Variants in EMC8 observed in about 807,000 individuals in gnomAD.
EMC8 encodes the protein COX4 neighbor.
A neutral mutation model predicts 24.3 loss-of-function variants in EMC8; 11 were observed. The ratio of observed to expected loss-of-function variants is 0.45; its 90% CI spans 0.28 to 0.75. The LOEUF (loss-of-function observed/expected upper bound fraction) is 0.75, where lower values mean the gene tolerates loss of function less well. EMC8 is among the 30% of genes least tolerant of loss of function. EMC8 has a pLI of 0.12. For synonymous variants in EMC8, 145 were observed against 117.7 expected, an observed-to-expected ratio of 1.23 and a Z score of -1.50; for missense variants, 277 against 282.7, an observed-to-expected ratio of 0.98 and a Z score of 0.14.
chr16:85,793,270 A>G (rs1405947393), intron 1 of EMC8, among the ~76,000 whole-genome samples: 1 of 152,220 alleles, frequency 6.6e-6, no homozygotes, highest in African/African-American at 2.4e-5. Flanking sequence ...AGGGACCACA[A>G]CTTGCCACTT....
At chr16:85,782,674 C>G (rs909403979) in intron 2 of EMC8, among the ~76,000 whole-genome samples, 1 of 152,190 alleles carries the variant, frequency 6.6e-6, no homozygotes, top group Admixed American at 6.5e-5. Context: ...TCTGTGCAAT[C>G]TGCCATCTAA....
intron 1 of EMC8, among the ~76,000 whole-genome samples, chr16:85,794,575 G>A (rs146812306): frequency 0.013 from 2,041 of 152,272 alleles, 34 homozygotes; most frequent in African/African-American, 0.047. Flanking sequence ...GGTAGTACCA[G>A]CTACTTGGGA....
chr16:85,799,264 T>C lies in EMC8; in HGVS notation c.32A>G (p.Tyr11Cys). 1 of 1,611,242 alleles carries C rather than the reference T, an allele frequency of 6.2e-7. No homozygotes were observed. Among genetic ancestry groups the C allele is most frequent in the Non-Finnish European group, 8.5e-7 (1 of 1,179,582 alleles). Residue 11 changes from tyrosine to cysteine, a missense_variant, in exon 1 of 5, where the codon TAC (tyrosine) becomes TGC (cysteine). Physicochemically the swap from Tyr to Cys is radical, Grantham distance 194 (BLOSUM62 -2). Transcript: ENST00000253457. This position sits in a 1 kb window ranked among gnomAD's most constrained non-coding sequence, Gnocchi z 4.2. MPGVKLTTQA[Y>C]CKMVLHGAKY... ...GGCGCCGTGCAGCACCATCTTGCAG[T>C]AGGCCTGGGTGGTCAGTTTCACCCC...
At chr16:85,794,304 G>A (rs959976834) in intron 1 of EMC8, among the ~76,000 whole-genome samples, 1 of 152,160 alleles carries the variant, frequency 6.6e-6, no homozygotes, top group Admixed American at 6.5e-5. Flanking sequence ...ATTTTCCCCT[G>A]TAACTTTCCT....
intron 1 of EMC8, among the ~76,000 whole-genome samples, chr16:85,795,495 G>A (rs1282877839): frequency 6.6e-6 from 1 of 152,100 alleles, no homozygotes; most frequent in African/African-American, 2.4e-5. Context: ...ACCTTCTCCT[G>A]CCCTCCTTCC....
Position 85,778,862 on chromosome 16 carries a change from C to T in EMC8, c.*846G>A, listed in dbSNP as rs892063126. 2 of 152,192 alleles carry T rather than the reference C, an allele frequency of 1.3e-5. No homozygotes were observed. Among genetic ancestry groups the T allele is most frequent in the African/African-American group, 4.8e-5 (2 of 41,440 alleles). The allele number at this position is 152,192 out of a possible 1,614,324, so 9.4% of individuals were successfully genotyped here. A position where few individuals can be genotyped will look rare whatever the true frequency, so the allele number is the denominator to read the frequency against. On this transcript the variant is annotated 3_prime_UTR_variant, in exon 5 of 5. Coordinates refer to ENST00000253457, the MANE Select transcript of EMC8 (RefSeq NM_006067.5). ...GTACCATAAAGTTTCCCTCTCAATT[C>T]CCTAAGGTTTGGTTACAAAACTTGA...
intron 2 of EMC8, chr16:85,784,442 T>C (rs752267165): frequency 6.6e-6 from 1 of 152,244 alleles, no homozygotes; most frequent in Non-Finnish European, 1.5e-5. Flanking sequence ...TTTTATATGA[T>C]TATTGTATTT....
intron 2 of EMC8, among the ~76,000 whole-genome samples, chr16:85,783,999 CTTTT>C (rs920465069): frequency 6.6e-6 from 1 of 151,542 alleles, no homozygotes; most frequent in Non-Finnish European, 1.5e-5. Context: ...ATCCATCTTT[CTTTT>C]TTTTTCTTTT....
chr16:85,787,377 C>T (rs1477576346), intron 2 of EMC8, among the ~76,000 whole-genome samples: 1 of 152,228 alleles, frequency 6.6e-6, no homozygotes, highest in Non-Finnish European at 1.5e-5. Context: ...CACCAAGCCC[C>T]CTGCAGGGGC....
At chr16:85,780,018 G>C (rs973492728) in intron 4 of EMC8, 151 bp from the exon 5 acceptor site, 2 of 652,150 alleles carry the variant, frequency 3.1e-6, no homozygotes, top group Non-Finnish European at 5.3e-6. Flanking sequence ...CGCATGAAGA[G>C]GTATACAGAG....
chr16:85,796,586 C>G lies in EMC8; in HGVS notation c.231+2479G>C, dbSNP rs570895937. Among the ~76,000 whole-genome samples the G allele has an allele frequency of 1.2e-4, 18 of 152,322 alleles. No homozygotes were observed. In the East Asian group the frequency reaches 2.9e-3, roughly 24 times the overall value. On this transcript the variant is annotated intron_variant, in intron 1 of 4. Transcript: ENST00000253457. ...CTCTGCATGATCTACAAGGTCACTA[C>G]AAAGCAATCTGTCCACCACTCAACT... is the stretch of plus-strand genomic sequence containing the variant.
intron 1 of EMC8, among the ~76,000 whole-genome samples, chr16:85,796,861 T>A (rs781055911): frequency 6.6e-6 from 1 of 152,228 alleles, no homozygotes; most frequent in Non-Finnish European, 1.5e-5. Flanking sequence ...CCCTTGCCAC[T>A]TTTTTACTAA....
chr16:85,781,102 C>G (rs1180897937), intron 3 of EMC8, 109 bp downstream of exon 3: 3 of 749,416 alleles, frequency 4.0e-6, no homozygotes, highest in Non-Finnish European at 7.0e-6. Flanking sequence ...TGGTCTCAAG[C>G]AGATAAATGA....
intron 1 of EMC8, among the ~76,000 whole-genome samples, chr16:85,796,181 T>G (rs1289754267): frequency 6.6e-6 from 1 of 152,070 alleles, no homozygotes; most frequent in African/African-American, 2.4e-5. Flanking sequence ...CATCTCAAAC[T>G]TAACATACCC....
chr16:85,799,212 C>G lies in EMC8; in HGVS notation c.84G>C (p.Gly28=), dbSNP rs1439056093. 6.2e-7 allele frequency: 1 copy of G among 1,613,344 alleles called. No homozygotes were observed. Among genetic ancestry groups the G allele is most frequent in the East Asian group, 2.2e-5 (1 of 44,876 alleles). Residue 28 remains glycine (G), a synonymous_variant, in exon 1 of 5, where the codon GGG becomes GGC. Transcript: ENST00000253457. This position sits in a 1 kb window ranked among gnomAD's most constrained non-coding sequence, Gnocchi z 4.2. The part of the protein sequence containing the change: ...GAKYPHCAVN[G]LLVAEKQKPR... ...GCTTCTGCTTCTCGGCCACCAGGAG[C>G]CCGTTGACGGCGCAGTGCGGGTACT...
chr16:85,781,988 A>T (rs1056381809), intron 2 of EMC8: 3 of 152,426 alleles, frequency 2.0e-5, no homozygotes, highest in African/African-American at 7.2e-5. Flanking sequence ...AATGGGGCGC[A>T]CCGTGTAAAG....
chr16:85,798,114 G>GTT (rs1163747067), intron 1 of EMC8, among the ~76,000 whole-genome samples: 1,105 of 72,232 alleles, frequency 0.015, 1 homozygote, highest in East Asian at 0.058. Context: ...ACAGAAATTC[G>GTT]TTTTTTTTTT....
At chr16:85,791,408 C>A (rs1211267684) in intron 1 of EMC8, among the ~76,000 whole-genome samples, 1 of 152,138 alleles carries the variant, frequency 6.6e-6, no homozygotes, top group African/African-American at 2.4e-5. Flanking sequence ...CCTACCAACC[C>A]GTCACCTAGG....
intron 3 of EMC8, 151 bp downstream of exon 3, chr16:85,781,060 T>C (rs996809413): frequency 4.8e-6 from 3 of 623,234 alleles, no homozygotes; most frequent in Non-Finnish European, 8.7e-6. Flanking sequence ...TCAACTGGTC[T>C]GCAGCTGAGA....
Sources: allele counts gnomAD v4.1 joint callset (sites outside exome capture counted in the v4.1 genomes callset), GRCh38; gene constraint gnomAD v4.1.1; non-coding constraint Gnocchi (gnomAD v3.1); transcripts MANE v1.5; gene names NCBI Gene and HGNC (gene_info 2026-07-23, HGNC 2026-07-21).